TMEM184B: variants seen among roughly 807,000 people sequenced by gnomAD.
TMEM184B encodes the protein putative MAPK-activating protein FM08.
Under a neutral mutation model 41.8 loss-of-function variants are expected in TMEM184B, and 17 were observed. The ratio of observed to expected loss-of-function variants is 0.41; its 90% CI spans 0.28 to 0.61. The LOEUF (loss-of-function observed/expected upper bound fraction) is 0.61. Ranked by LOEUF, TMEM184B falls within the 20% of genes least tolerant of loss-of-function variation. TMEM184B has a pLI of 0.34. For synonymous variants in TMEM184B, 240 were observed against 229.5 expected (o/e 1.05, Z -0.41); for missense variants, 393 against 557.8 (o/e 0.70, Z 2.98).
chr22:38,252,481 G>A (rs1373778715), intron 1 of TMEM184B, among the ~76,000 whole-genome samples: 3 of 152,228 alleles, frequency 2.0e-5, no homozygotes, highest in African/African-American at 4.8e-5. Context: ...CTCCATGCCA[G>A]GCACCGGCAG....
rs1162308164 is a variant in TMEM184B, at chr22:38,219,650, C to T, written c.*1819G>A. On this transcript the variant is annotated 3_prime_UTR_variant, in exon 9 of 9. Transcript: ENST00000361906. ...CTGATTCCCTGCCACTGAGCTCCCC[C>T]CACCCTCCACGCAAACAGCAACGCT... 1.6e-5 allele frequency: 16 copies of T among 985,532 alleles called. No homozygotes were observed. The highest frequency in any genetic ancestry group is 2.3e-4 in the East Asian group (2 of 8,822). 61.0% of individuals were successfully genotyped at this position (985,532 alleles called of 1,614,324 possible).
At chr22:38,247,068 G>A (rs142292533) in intron 2 of TMEM184B, among the ~76,000 whole-genome samples, 9 of 152,246 alleles carry the variant, frequency 5.9e-5, no homozygotes, top group Middle Eastern at 3.4e-3. Context: ...ACCAAGGCCC[G>A]TCCCAGCCCA....
chr22:38,222,730 G>C (rs1276582956), intron 8 of TMEM184B: 1 of 984,480 alleles, frequency 1.0e-6, no homozygotes, highest in Non-Finnish European at 1.2e-6. Flanking sequence ...AAGAAATAGA[G>C]AAGACAAGAG....
intron 1 of TMEM184B, among the ~76,000 whole-genome samples, chr22:38,262,900 ATTTAT>A (rs1569055581): frequency 1.3e-5 from 2 of 152,036 alleles, no homozygotes; most frequent in African/African-American, 4.8e-5. Context: ...TATGTTTTTA[ATTTAT>A]TTTATTTTAT....
rs554992421 is a variant in TMEM184B, at chr22:38,231,439, G to C, written c.359-105C>G. ...AGGTGAAAGAGCCACAGCTGTGTGTGGCAACAGGGAGGAGGCTGGGGGACA... is the reference window on the plus strand; with the variant it reads ...AGGTGAAAGAGCCACAGCTGTGTGTCGCAACAGGGAGGAGGCTGGGGGACA... On this transcript the variant is annotated intron_variant, in intron 3 of 8. Coordinates refer to ENST00000361906, the MANE Select transcript of TMEM184B (RefSeq NM_012264.5). The C allele has an allele frequency of 6.3e-6, 6 of 946,784 alleles. No homozygotes were observed. The East Asian group carries it at 1.4e-4, about 23-fold the overall frequency. The allele number at this position is 946,784 out of a possible 1,614,324, so 58.6% of individuals were successfully genotyped here.
intron 3 of TMEM184B, among the ~76,000 whole-genome samples, chr22:38,234,949 C>T (rs1358859483): frequency 6.6e-6 from 1 of 152,194 alleles, no homozygotes; most frequent in Non-Finnish European, 1.5e-5. Flanking sequence ...GGGCTGTGAA[C>T]GTGCAGAGCC....
chr22:38,250,334 C>T (rs1171227638), intron 1 of TMEM184B, among the ~76,000 whole-genome samples: 1 of 152,252 alleles, frequency 6.6e-6, no homozygotes, highest in Non-Finnish European at 1.5e-5. Context: ...GAGCCCTGTA[C>T]ATTTCTATTT....
chr22:38,237,198 C>A (rs1033388186), intron 3 of TMEM184B, among the ~76,000 whole-genome samples: 1 of 152,170 alleles, frequency 6.6e-6, no homozygotes, highest in Admixed American at 6.5e-5. Context: ...CATTCCCCCA[C>A]AAGGAAGGAG....
intron 5 of TMEM184B, among the ~76,000 whole-genome samples, chr22:38,227,518 G>T (rs1041145459): frequency 1.3e-5 from 2 of 152,106 alleles, no homozygotes; most frequent in Admixed American, 1.3e-4. Flanking sequence ...GTCCACCCCC[G>T]ATCTGGTTCC....
intron 4 of TMEM184B, 61 bp from the exon 5 acceptor site, chr22:38,230,805 T>G: frequency 3.2e-6 from 5 of 1,539,382 alleles, no homozygotes; most frequent in Non-Finnish European, 4.4e-6. Flanking sequence ...TTGGGAACAG[T>G]GGGGTGGGGA....
At chr22:38,244,196 A>G (rs2091975460) in intron 3 of TMEM184B, among the ~76,000 whole-genome samples, 1 of 152,070 alleles carries the variant, frequency 6.6e-6, no homozygotes, top group South Asian at 2.1e-4. Flanking sequence ...TCTCAGGGAT[A>G]CACAAGTTTC....
At position 38,225,417 on chromosome 22, in the gene TMEM184B, G is replaced by A; in HGVS notation, c.787+7C>T. Reference sequence around the variant, plus strand: ...GGGCAGCCTCCAGGTGCTGGGAGGGGGCTCACCTTGCCAGAAGGAAAGAAA... The same window carrying A: ...GGGCAGCCTCCAGGTGCTGGGAGGGAGCTCACCTTGCCAGAAGGAAAGAAA... On this transcript the variant is annotated splice_region_variant and intron_variant, in intron 7 of 8. Coordinates refer to ENST00000361906, the MANE Select transcript of TMEM184B (RefSeq NM_012264.5). The surrounding 1 kb of genome is among the most constrained non-coding windows in gnomAD (Gnocchi z 4.4). 1.3e-6 allele frequency: 2 copies of A among 1,554,330 alleles called. No homozygotes were observed. Among genetic ancestry groups the A allele is most frequent in the Non-Finnish European group, 1.7e-6 (2 of 1,152,906 alleles).
chr22:38,216,938 C>T (rs2091156222), downstream of TMEM184B, among the ~76,000 whole-genome samples: 1 of 152,150 alleles, frequency 6.6e-6, no homozygotes, highest in African/African-American at 2.4e-5. Flanking sequence ...GTTCCAGCTA[C>T]TGAAGAGGCT....
rs569823316 is a variant in TMEM184B at position 38,260,487 on chromosome 22, C to T, written c.-59+12397G>A. Among the ~76,000 whole-genome samples, 5 of 152,314 alleles carry T rather than the reference C, an allele frequency of 3.3e-5. No homozygotes were observed. The South Asian group carries it at 8.3e-4, about 25-fold the overall frequency. ...ACCTGACAAATGGTTCTTCCGACTGCCACTGCCGTGCTGTGAAATCCGCAG... is the reference window on the plus strand; with the variant it reads ...ACCTGACAAATGGTTCTTCCGACTGTCACTGCCGTGCTGTGAAATCCGCAG... On this transcript the variant is annotated intron_variant, in intron 1 of 8. Coordinates refer to ENST00000361906, the MANE Select transcript of TMEM184B (RefSeq NM_012264.5).
chr22:38,246,218 T>C (rs992978927), intron 2 of TMEM184B, 118 bp from the exon 3 acceptor site: 14 of 1,268,906 alleles, frequency 1.1e-5, no homozygotes, highest in Non-Finnish European at 1.5e-5. Flanking sequence ...GACCTACCCC[T>C]GAGCCTCAGA....
intron 1 of TMEM184B, among the ~76,000 whole-genome samples, chr22:38,265,416 T>C (rs778343847): frequency 6.6e-6 from 1 of 152,106 alleles, no homozygotes; most frequent in Non-Finnish European, 1.5e-5. Context: ...GCCTTCCCAG[T>C]GTGGCTGCAA....
At chr22:38,254,700 G>A (rs1253341967) in intron 1 of TMEM184B, among the ~76,000 whole-genome samples, 6 of 151,874 alleles carry the variant, frequency 4.0e-5, no homozygotes, top group Admixed American at 3.9e-4. Flanking sequence ...CCCATACCTG[G>A]GTACCAAAAA....
chr22:38,221,612 A>G lies in TMEM184B; in HGVS notation c.1081T>C (p.Tyr361His). Residue 361 changes from tyrosine to histidine, a missense_variant, in exon 9 of 9, where the codon TAC becomes CAC. Around this residue, in one of 2 missense-constraint regions of TMEM184B, gnomAD observed 271 missense variants for 434.1 expected, o/e 0.62. Transcript: ENST00000361906. ...QDAIHNFSPAYQQYTQQSTLE... is the reference protein window; with the variant it reads ...QDAIHNFSPAHQQYTQQSTLE... Reference sequence around the variant, plus strand: ...GTGGACTGCTGCGTGTACTGCTGGTAGGCAGGTGAGAAGTTGTGGATGGCG... The same window carrying G: ...GTGGACTGCTGCGTGTACTGCTGGTGGGCAGGTGAGAAGTTGTGGATGGCG... The G allele has an allele frequency of 6.2e-7, 1 of 1,614,104 alleles. No homozygotes were observed. Among genetic ancestry groups the G allele is most frequent in the Non-Finnish European group, 8.5e-7 (1 of 1,179,988 alleles).
intron 1 of TMEM184B, among the ~76,000 whole-genome samples, chr22:38,262,455 G>A (rs1177801096): frequency 6.6e-6 from 1 of 152,234 alleles, no homozygotes; most frequent in Non-Finnish European, 1.5e-5. Flanking sequence ...AACTATATGA[G>A]CAAAGGCACG....
Sources: allele counts gnomAD v4.1 joint callset (sites outside exome capture counted in the v4.1 genomes callset), GRCh38; gene constraint gnomAD v4.1.1; regional missense constraint gnomAD v4.1.1; non-coding constraint Gnocchi (gnomAD v3.1); transcripts MANE v1.5; gene names NCBI Gene and HGNC (gene_info 2026-07-23, HGNC 2026-07-21).